Variants in CLRN2 observed in about 807,000 individuals in gnomAD.
CLRN2 encodes the protein clarin-2.
Under a neutral mutation model 20.1 loss-of-function variants are expected in CLRN2, and 17 were observed. The ratio of observed to expected loss-of-function variants is 0.85; its 90% CI spans 0.58 to 1.27. The LOEUF is 1.27. Ranked by LOEUF, CLRN2 falls within the 50% of genes most tolerant of loss-of-function variation. The pLI is 0.00. For missense variants in CLRN2, 288 were observed against 299.5 expected (o/e 0.96, Z 0.28); for synonymous variants, 140 against 126.9 (o/e 1.10, Z -0.70).
chr4:17,522,940 C>CCTGGCT lies in CLRN2; in HGVS notation c.335_340dup (p.Ala112_Leu113dup), dbSNP rs1472218286. The stretch of plus-strand genomic sequence containing the variant: ...TGCTGCTCCTCTTCCTGGCCTTGGC[C>CCTGGCT]CTGGCTCTGGTCAGCATGGGCTTTG... On this transcript the variant is annotated inframe_insertion, in exon 2 of 3. Transcript: ENST00000511148. 1 of 1,614,018 alleles carries CCTGGCT rather than the reference C, an allele frequency of 6.2e-7. No individual in the cohort carries two copies. Among genetic ancestry groups the CCTGGCT allele is most frequent in the Non-Finnish European group, 8.5e-7 (1 of 1,179,898 alleles).
intron 2 of CLRN2, 49 bp from the exon 3 acceptor site, chr4:17,526,768 A>G: frequency 6.2e-7 from 1 of 1,606,038 alleles, no homozygotes; most frequent in African/African-American, 1.3e-5. Context: ...CACCTCTTAC[A>G]GAGTTGCAAA....
intron 2 of CLRN2, 122 bp downstream of exon 2, chr4:17,523,165 C>A (rs1711875378): frequency 3.2e-6 from 2 of 627,996 alleles, no homozygotes; most frequent in Non-Finnish European, 5.2e-6. Context: ...CTTCCTGGGT[C>A]TAAGACCTTC....
chr4:17,526,916 T>C lies in CLRN2; in HGVS notation c.533T>C (p.Phe178Ser), dbSNP rs371123075. The change falls in exon 3 of 3, where the codon TTT becomes TCT. Residue 178 changes from phenylalanine (F) to serine (S), a missense_variant. Physicochemically the swap from Phe to Ser is radical, Grantham distance 155 (BLOSUM62 -2). Coordinates refer to ENST00000511148, the MANE Select transcript of CLRN2 (RefSeq NM_001079827.2). ...IANFQEKLFQ[F>S]VVVEEQYEES... ...AACTTTCAGGAGAAGCTCTTCCAGT[T>C]TGTGGTGGTGGAAGAACAGTATGAA... 6.3e-5 allele frequency: 101 copies of C among 1,613,868 alleles called. No homozygotes were observed. The highest frequency in any genetic ancestry group is 8.1e-5 in the Non-Finnish European group (95 of 1,179,896).
chr4:17,526,953 G>A lies in CLRN2; in HGVS notation c.570G>A (p.Trp190Ter). ...VVEEQYEESF[W>*]ICVASASAHA... is the part of the protein sequence containing the mutation. ...AAGAACAGTATGAAGAGTCGTTTTG[G>A]ATCTGCGTGGCCAGCGCTTCGGCCC... Residue 190 changes from tryptophan (W) to a stop codon, truncating the protein, a stop_gained, in exon 3 of 3, where the codon TGG (tryptophan) becomes TGA (stop). Coordinates refer to ENST00000511148, the MANE Select transcript of CLRN2 (RefSeq NM_001079827.2). LOFTEE classifies it high-confidence loss of function. 1 of 1,614,016 alleles carries A rather than the reference G, an allele frequency of 6.2e-7. No individual in the cohort carries two copies. Among genetic ancestry groups the A allele is most frequent in the Non-Finnish European group, 8.5e-7 (1 of 1,179,902 alleles).
intron 2 of CLRN2, among the ~76,000 whole-genome samples, chr4:17,524,139 T>C (rs1294373342): frequency 2.0e-5 from 3 of 151,976 alleles, no homozygotes; most frequent in African/African-American, 7.3e-5. Context: ...GCTCTTTATT[T>C]TTCCACAGAT....
rs1031598104 is a variant in CLRN2 at position 17,522,925 on chromosome 4, C to T, written c.315C>T (p.Leu105=). Residue 105 remains leucine, a synonymous_variant, in exon 2 of 3, where the codon CTC becomes CTT. Transcript: ENST00000511148. ...TTCATGTGATGATTCTGCTGCTCCTCTTCCTGGCCTTGGCCCTGGCTCTGG... is the reference window on the plus strand; with the variant it reads ...TTCATGTGATGATTCTGCTGCTCCTTTTCCTGGCCTTGGCCCTGGCTCTGG... ...AGLHVMILLL[L]FLALALALVS... 1.5e-5 allele frequency: 24 copies of T among 1,613,930 alleles called. No homozygotes were observed. Among genetic ancestry groups the T allele is most frequent in the Non-Finnish European group, 1.9e-5 (23 of 1,179,916 alleles).
chr4:17,523,213 CT>C (rs113987711), intron 2 of CLRN2, among the ~76,000 whole-genome samples, 170 bp downstream of exon 2: 49,499 of 141,150 alleles, frequency 0.35, 8,216 homozygotes, highest in Admixed American at 0.46. Flanking sequence ...TTTTCTTTTT[CT>C]TTTTTTTTTT....
At chr4:17,523,158 C>G in intron 2 of CLRN2, 115 bp downstream of exon 2, 2 of 760,386 alleles carry the variant, frequency 2.6e-6, no homozygotes, top group Admixed American at 3.0e-5. Context: ...CCTTGACCTT[C>G]CTGGGTCTAA....
intron 2 of CLRN2, 38 bp from the exon 3 acceptor site, chr4:17,526,779 A>G: frequency 6.2e-7 from 1 of 1,608,532 alleles, no homozygotes. Context: ...GAGTTGCAAA[A>G]AGGAGCCGTG....
chr4:17,526,394 T>C (rs1196481752), intron 2 of CLRN2, among the ~76,000 whole-genome samples: 1 of 152,058 alleles, frequency 6.6e-6, no homozygotes, highest in East Asian at 1.9e-4. Flanking sequence ...ACCCCATCTC[T>C]ACTAAAAATA....
At chr4:17,517,973 G>A (rs150426828) in intron 1 of CLRN2, among the ~76,000 whole-genome samples, 4 of 151,956 alleles carry the variant, frequency 2.6e-5, no homozygotes, top group African/African-American at 7.2e-5. Flanking sequence ...GTGTAACCTC[G>A]AGGCAGCTAC....
chr4:17,519,840 A>G (rs1020947252), intron 1 of CLRN2, among the ~76,000 whole-genome samples: 3 of 152,154 alleles, frequency 2.0e-5, no homozygotes, highest in Non-Finnish European at 4.4e-5. Flanking sequence ...CACTCCTGAG[A>G]AATGATTTGA....
chr4:17,522,874 C>T lies in CLRN2; in HGVS notation c.264C>T (p.His88=). Residue 88 remains histidine, a synonymous_variant, in exon 2 of 3, where the codon CAC becomes CAT. Coordinates refer to ENST00000511148, the MANE Select transcript of CLRN2 (RefSeq NM_001079827.2). ...GRQSQFTIFP[H]LVKELNAGLH... ...GTCTTGTCTCCCCAGTCTTCCCACA[C>T]CTGGTGAAGGAGCTCAACGCAGGCC... The T allele has an allele frequency of 6.2e-7, 1 of 1,613,556 alleles. No homozygotes were observed. The highest frequency in any genetic ancestry group is 8.5e-7 in the Non-Finnish European group (1 of 1,179,616).
intron 1 of CLRN2, among the ~76,000 whole-genome samples, chr4:17,520,583 C>G (rs1042935133): frequency 9.9e-5 from 15 of 152,238 alleles, no homozygotes; most frequent in African/African-American, 3.6e-4. Flanking sequence ...CTTCCTTACA[C>G]CATTGTCAAC....
At chr4:17,515,939 C>A (rs1381816377) in intron 1 of CLRN2, among the ~76,000 whole-genome samples, 1 of 152,206 alleles carries the variant, frequency 6.6e-6, no homozygotes. Flanking sequence ...ACATAACTTA[C>A]CTGAGGTCAC....
intron 2 of CLRN2, among the ~76,000 whole-genome samples, chr4:17,525,495 C>A (rs2109003613): frequency 6.6e-6 from 1 of 151,942 alleles, no homozygotes; most frequent in South Asian, 2.1e-4. Flanking sequence ...CAACAAAAAT[C>A]AAAAATTAGC....
intron 1 of CLRN2, among the ~76,000 whole-genome samples, chr4:17,518,034 C>A (rs2109001600): frequency 6.8e-6 from 1 of 147,346 alleles, no homozygotes. Context: ...CCTGGGGTCT[C>A]TTTCTGCCAT....
intron 1 of CLRN2, among the ~76,000 whole-genome samples, chr4:17,517,089 AG>A (rs1215882749): frequency 6.6e-6 from 1 of 152,246 alleles, no homozygotes; most frequent in Non-Finnish European, 1.5e-5. Context: ...ATGGGCTTAA[AG>A]AACATACAGT....
intron 1 of CLRN2, 122 bp from the exon 2 acceptor site, chr4:17,522,742 C>A: frequency 2.1e-6 from 2 of 958,980 alleles, no homozygotes; most frequent in East Asian, 2.5e-5. Context: ...GTTTGAAATC[C>A]CCACGCTTGC....
Sources: allele counts gnomAD v4.1 joint callset (sites outside exome capture counted in the v4.1 genomes callset), GRCh38; gene constraint gnomAD v4.1.1; transcripts MANE v1.5; gene names NCBI Gene and HGNC (gene_info 2026-07-23, HGNC 2026-07-21).